Variants in NELL2 observed in about 807,000 individuals in gnomAD.
NELL2 encodes the protein neural EGFL like 2, also known as protein kinase C-binding protein NELL2.
A neutral mutation model predicts 109.6 loss-of-function variants in NELL2; 41 were observed. That is an observed-to-expected ratio of 0.37 (90% CI 0.29 to 0.49). The LOEUF is 0.49. Among genes scored for constraint, NELL2 ranks in the 20% least tolerant of loss-of-function variants. NELL2 has a pLI of 0.98. For synonymous variants in NELL2, 355 were observed against 344.7 expected (o/e 1.03, Z -0.33); for missense variants, 900 against 1,008.3 (o/e 0.89, Z 1.45).
In NELL2 at chr12:44,619,314, A is replaced by G. The variant is rs1184617817; in HGVS notation, c.1445-8344T>C. ...AAATAATTACTGGACGCTAAACAGT[A>G]GCGTCCAGACTACAACAGAATTTTA... On this transcript the variant is annotated intron_variant, in intron 13 of 19. Coordinates refer to ENST00000429094, the MANE Select transcript of NELL2 (RefSeq NM_001145108.2). 3.9e-5 allele frequency among the ~76,000 whole-genome samples: 6 copies of G among 152,304 alleles called. No homozygotes were observed. In the East Asian group the frequency reaches 1.2e-3, roughly 29 times the overall value.
intron 13 of NELL2, among the ~76,000 whole-genome samples, chr12:44,644,254 G>C (rs1592259005): frequency 6.6e-6 from 1 of 152,060 alleles, no homozygotes; most frequent in Non-Finnish European, 1.5e-5. Context: ...CAATAAATAT[G>C]AGTAAGGTGC....
intron 9 of NELL2, among the ~76,000 whole-genome samples, chr12:44,763,796 G>A (rs1200859915): frequency 6.6e-6 from 1 of 152,038 alleles, no homozygotes; most frequent in Non-Finnish European, 1.5e-5. Flanking sequence ...TTAAGCTTAT[G>A]GAAAATGCAT....
chr12:44,858,145 G>A (rs1236088569), intron 2 of NELL2, among the ~76,000 whole-genome samples: 5 of 152,282 alleles, frequency 3.3e-5, no homozygotes, highest in South Asian at 4.1e-4. Flanking sequence ...TTGACCCTAA[G>A]AAGTAGTACT....
intron 15 of NELL2, among the ~76,000 whole-genome samples, chr12:44,587,474 A>G (rs1288268303): frequency 6.6e-6 from 1 of 151,760 alleles, no homozygotes; most frequent in African/African-American, 2.4e-5. Flanking sequence ...ATATTATTTC[A>G]TATGTATTTT....
In NELL2 at chr12:44,817,085, G is replaced by T. The variant is rs577216622; in HGVS notation, c.185-949C>A. Among the ~76,000 whole-genome samples the T allele has an allele frequency of 1.1e-4, 17 of 152,296 alleles. No individual in the cohort carries two copies. In the South Asian group the frequency reaches 2.9e-3, roughly 26 times the overall value. On this transcript the variant is annotated intron_variant, in intron 2 of 19. Coordinates refer to ENST00000429094, the MANE Select transcript of NELL2 (RefSeq NM_001145108.2). Reference sequence around the variant, plus strand: ...TTCAATGGAAGAACTGGCATTTAGAGAGGACAATCCTTCTTTGTGCAGGAT... The same window carrying T: ...TTCAATGGAAGAACTGGCATTTAGATAGGACAATCCTTCTTTGTGCAGGAT...
At chr12:44,831,971 C>A (rs978115108) in intron 2 of NELL2, among the ~76,000 whole-genome samples, 5 of 152,188 alleles carry the variant, frequency 3.3e-5, no homozygotes, top group Admixed American at 3.3e-4. Context: ...CCCCAAGCTT[C>A]CTATGACTCG....
At chr12:44,686,993 G>T (rs1679907326) in intron 12 of NELL2, among the ~76,000 whole-genome samples, 1 of 152,202 alleles carries the variant, frequency 6.6e-6, no homozygotes, top group Non-Finnish European at 1.5e-5. Context: ...CCTGGGCAAT[G>T]GTGGGCGCCC....
At chr12:44,577,465 G>GTTTTTTTTTT (rs746239984) in intron 15 of NELL2, among the ~76,000 whole-genome samples, 3 of 83,438 alleles carry the variant, frequency 3.6e-5, no homozygotes, top group African/African-American at 2.1e-4. Context: ...CAGATGAGTA[G>GTTTTTTTTTT]TTTTTTTTTT....
At chr12:44,869,302 A>G (rs1456886270) in intron 2 of NELL2, among the ~76,000 whole-genome samples, 1 of 152,208 alleles carries the variant, frequency 6.6e-6, no homozygotes, top group Non-Finnish European at 1.5e-5. Flanking sequence ...TTCAAGGTCT[A>G]GAAATAAGCT....
chr12:44,857,383 T>C (rs1944713783), intron 2 of NELL2, among the ~76,000 whole-genome samples: 1 of 151,968 alleles, frequency 6.6e-6, no homozygotes, highest in South Asian at 2.1e-4. Context: ...AGAATGATAA[T>C]CAAGAAACAA....
At chr12:44,515,421 T>A (rs1941217978) in intron 19 of NELL2, among the ~76,000 whole-genome samples, 1 of 152,024 alleles carries the variant, frequency 6.6e-6, no homozygotes, top group Middle Eastern at 3.4e-3. Flanking sequence ...GAGTACAAGC[T>A]GTGTAATTCA....
chr12:44,875,027 C>T (rs971874164), intron 2 of NELL2, 198 bp downstream of exon 2: 2 of 629,286 alleles, frequency 3.2e-6, no homozygotes, highest in Admixed American at 3.1e-5. Context: ...GTACAAAGTA[C>T]GAAGGAGAAG....
intron 2 of NELL2, 173 bp downstream of exon 2, chr12:44,875,052 G>T: frequency 1.2e-6 from 1 of 865,658 alleles, no homozygotes; most frequent in Non-Finnish European, 1.7e-6. Context: ...AGGCAGGGGA[G>T]AAAAAACCAC....
chr12:44,876,433 T>C (rs1945328556), upstream of NELL2: 11 of 1,282,106 alleles, frequency 8.6e-6, no homozygotes, highest in Non-Finnish European at 9.9e-6. Context: ...GCGCTCAGCG[T>C]CGGTCTCCCG....
chr12:44,819,607 G>C lies in NELL2; in HGVS notation c.185-3471C>G, dbSNP rs563557330. On this transcript the variant is annotated intron_variant, in intron 2 of 19. Transcript: ENST00000429094. ...GCAGAACCATCCTCCACCCCACCAGGGTGGTAGATGGGGTGCTATGAGGAC... is the reference window on the plus strand; with the variant it reads ...GCAGAACCATCCTCCACCCCACCAGCGTGGTAGATGGGGTGCTATGAGGAC... 5.4e-4 allele frequency among the ~76,000 whole-genome samples: 82 copies of C among 152,240 alleles called. 1 individual carries two copies. The South Asian group carries it at 0.017, about 31-fold the overall frequency.
chr12:44,758,274 T>C (rs1940976980), intron 9 of NELL2, among the ~76,000 whole-genome samples: 1 of 152,156 alleles, frequency 6.6e-6, no homozygotes, highest in Non-Finnish European at 1.5e-5. Context: ...GCAACATTCT[T>C]GACAAAATAA....
At chr12:44,530,381 T>C (rs1255423579) in intron 16 of NELL2, among the ~76,000 whole-genome samples, 2 of 152,066 alleles carry the variant, frequency 1.3e-5, no homozygotes, top group Non-Finnish European at 2.9e-5. Context: ...AGTTGTGAAA[T>C]GGCTGTTAAT....
In NELL2 at chr12:44,544,863, A is replaced by G. The variant is rs1942728915; in HGVS notation, c.1664-12142T>C. On this transcript the variant is annotated intron_variant, in intron 15 of 19. Transcript: ENST00000429094. The stretch of plus-strand genomic sequence containing the variant: ...ATCAGAATTGATACTGCAAGATGCT[A>G]CTACAATTAGACCCAATTTGATGAA... Among the ~76,000 whole-genome samples, 5 of 152,150 alleles carry G rather than the reference A, an allele frequency of 3.3e-5. No homozygotes were observed. In the South Asian group the frequency reaches 1.0e-3, roughly 32 times the overall value.
chr12:44,612,744 A>G (rs1945667122), intron 13 of NELL2, among the ~76,000 whole-genome samples: 1 of 152,112 alleles, frequency 6.6e-6, no homozygotes, highest in South Asian at 2.1e-4. Flanking sequence ...GTTAATCTAT[A>G]AATCTCTATA....
Sources: allele counts gnomAD v4.1 joint callset (sites outside exome capture counted in the v4.1 genomes callset), GRCh38; gene constraint gnomAD v4.1.1; transcripts MANE v1.5; gene names NCBI Gene and HGNC (gene_info 2026-07-23, HGNC 2026-07-21).